AP3B1: variants seen among roughly 807,000 people sequenced by gnomAD.
The protein encoded by AP3B1 is adaptor related protein complex 3 subunit beta 1.
In AP3B1, 61 loss-of-function variants were observed where a neutral mutation model predicts 132.5. The observed-to-expected ratio is 0.46, with a 90% confidence interval of 0.37 to 0.57. The LOEUF is 0.57. Among genes scored for constraint, AP3B1 ranks in the 20% least tolerant of loss-of-function variants. AP3B1 has a pLI of 0.00. For missense variants in AP3B1, 1,120 were observed against 1,289.4 expected (o/e 0.87, Z 2.01); for synonymous variants, 388 against 438.3 (o/e 0.89, Z 1.43).
intron 26 of AP3B1, among the ~76,000 whole-genome samples, chr5:78,005,109 T>C (rs1746336613): frequency 6.6e-6 from 1 of 152,208 alleles, no homozygotes; most frequent in South Asian, 2.1e-4. Flanking sequence ...GGTGGCTCTA[T>C]TTTCCCATTC....
At chr5:78,227,558 C>A in intron 4 of AP3B1, 26 bp from the exon 5 acceptor site, 1 of 1,611,582 alleles carries the variant, frequency 6.2e-7, no homozygotes, top group Non-Finnish European at 8.5e-7. Flanking sequence ...AAATATTCAC[C>A]AAAATTTCAA....
chr5:78,054,253 C>A (rs1748711502), intron 22 of AP3B1, among the ~76,000 whole-genome samples: 1 of 152,156 alleles, frequency 6.6e-6, no homozygotes, highest in Non-Finnish European at 1.5e-5. Context: ...TTACATGTTG[C>A]ACAGGTTATG....
At chr5:78,246,682 C>T (rs1042367093) in intron 2 of AP3B1, among the ~76,000 whole-genome samples, 6 of 152,074 alleles carry the variant, frequency 3.9e-5, no homozygotes, top group African/African-American at 1.2e-4. Flanking sequence ...CAGGGTCTTG[C>T]ATTTCTGATA....
chr5:78,145,189 C>T (rs562624205), intron 14 of AP3B1, among the ~76,000 whole-genome samples: 2 of 152,286 alleles, frequency 1.3e-5, no homozygotes, highest in Non-Finnish European at 1.5e-5. Context: ...TCAATTATTA[C>T]TAAATAACCA....
chr5:78,042,030 C>A, intron 22 of AP3B1: 1 of 210,808 alleles, frequency 4.7e-6, no homozygotes, highest in South Asian at 9.8e-5. Context: ...GCTCCACAAA[C>A]ACAGAGCTGG....
intron 7 of AP3B1, among the ~76,000 whole-genome samples, chr5:78,188,106 G>C (rs970747183): frequency 2.6e-5 from 4 of 152,126 alleles, no homozygotes; most frequent in African/African-American, 7.2e-5. Flanking sequence ...AGACTTAAAT[G>C]TAAAACCCAA....
intron 3 of AP3B1, among the ~76,000 whole-genome samples, chr5:78,230,337 C>T (rs1746591287): frequency 6.6e-6 from 1 of 152,124 alleles, no homozygotes; most frequent in Non-Finnish European, 1.5e-5. Context: ...CAAATGAAAA[C>T]TTAATGAGCA....
chr5:78,030,696 G>A (rs905767736), intron 24 of AP3B1, among the ~76,000 whole-genome samples: 5 of 151,972 alleles, frequency 3.3e-5, no homozygotes, highest in African/African-American at 9.7e-5. Flanking sequence ...CACTCATTAC[G>A]GGCAGGGATA....
intron 11 of AP3B1, among the ~76,000 whole-genome samples, chr5:78,173,063 G>A (rs575498235): frequency 6.6e-6 from 1 of 152,334 alleles, no homozygotes; most frequent in East Asian, 1.9e-4. Context: ...CCACGCAGTT[G>A]TGCAGTTTTG....
Position 78,072,712 on chromosome 5 carries a change from C to CTTTTTT in AP3B1, c.2577+16675_2577+16680dup, listed in dbSNP as rs34203981. On this transcript the variant is annotated intron_variant, in intron 22 of 26. Coordinates refer to ENST00000255194, the MANE Select transcript of AP3B1 (RefSeq NM_003664.5). ...TGAGTAACAATGTGTCTGATATATT[C>CTTTTTT]TTTTTTTTTTTTTTTTTTTTTTTTT... 1.5e-4 allele frequency among the ~76,000 whole-genome samples: 10 copies of CTTTTTT among 68,284 alleles called. 1 individual carries two copies. The highest frequency in any genetic ancestry group is 5.8e-4 in the East Asian group (1 of 1,738). The allele number at this position is 68,284 out of a possible 152,430, so 44.8% of individuals were successfully genotyped here.
chr5:78,078,816 T>C (rs993452934), intron 22 of AP3B1, among the ~76,000 whole-genome samples: 5 of 152,242 alleles, frequency 3.3e-5, no homozygotes, highest in Non-Finnish European at 5.9e-5. Context: ...AGTCATACTG[T>C]GTTCAATAAA....
At chr5:78,261,877 G>A (rs867844821) in intron 2 of AP3B1, among the ~76,000 whole-genome samples, 2 of 149,406 alleles carry the variant, frequency 1.3e-5, no homozygotes, top group Non-Finnish European at 3.0e-5. Context: ...TCAGCCTCCC[G>A]AGCAGCTGGG....
At chr5:78,052,334 G>A (rs1748617539) in intron 22 of AP3B1, among the ~76,000 whole-genome samples, 1 of 152,054 alleles carries the variant, frequency 6.6e-6, no homozygotes, top group Admixed American at 6.5e-5. Flanking sequence ...CTTATTTCAT[G>A]CTCGGTATTA....
At chr5:78,026,290 A>G (rs1747339718) in intron 24 of AP3B1, among the ~76,000 whole-genome samples, 2 of 152,200 alleles carry the variant, frequency 1.3e-5, no homozygotes, top group Admixed American at 6.5e-5. Flanking sequence ...TAAAAGTTTA[A>G]TGTAAGGCAA....
chr5:78,224,089 A>G (rs971403669), intron 6 of AP3B1, among the ~76,000 whole-genome samples: 4 of 152,176 alleles, frequency 2.6e-5, no homozygotes, highest in African/African-American at 9.6e-5. Context: ...AATTATTAAA[A>G]TCAAGTTAAC....
intron 22 of AP3B1, among the ~76,000 whole-genome samples, chr5:78,060,717 T>C (rs1749010331): frequency 6.6e-6 from 1 of 151,832 alleles, no homozygotes; most frequent in Admixed American, 6.6e-5. Flanking sequence ...ATACCAAAGA[T>C]CAGAATGTAG....
chr5:78,036,752 C>T (rs184539795), intron 23 of AP3B1, among the ~76,000 whole-genome samples: 14 of 152,166 alleles, frequency 9.2e-5, no homozygotes, highest in Admixed American at 3.3e-4. Flanking sequence ...AAGAAAACTG[C>T]GGACTCCTTA....
At chr5:78,122,918 G>A (rs555886066) in intron 17 of AP3B1, among the ~76,000 whole-genome samples, 1 of 152,306 alleles carries the variant, frequency 6.6e-6, no homozygotes, top group South Asian at 2.1e-4. Context: ...AACAAAGCTG[G>A]AGGCATCATG....
At chr5:78,280,783 G>A (rs1749015834) in intron 1 of AP3B1, among the ~76,000 whole-genome samples, 1 of 152,130 alleles carries the variant, frequency 6.6e-6, no homozygotes, top group African/African-American at 2.4e-5. Flanking sequence ...AAACCAATAT[G>A]CAATGTCTGC....
Sources: allele counts gnomAD v4.1 joint callset (sites outside exome capture counted in the v4.1 genomes callset), GRCh38; gene constraint gnomAD v4.1.1; transcripts MANE v1.5; gene names NCBI Gene and HGNC (gene_info 2026-07-23, HGNC 2026-07-21).